HDAC4: variants seen among roughly 807,000 people sequenced by gnomAD.
HDAC4 encodes the protein histone deacetylase A.
Under a neutral mutation model 135.1 loss-of-function variants are expected in HDAC4, and 16 were observed. The ratio of observed to expected loss-of-function variants is 0.12; its 90% CI spans 0.08 to 0.18. The LOEUF is 0.18. Among genes scored for constraint, HDAC4 ranks in the 10% least tolerant of loss-of-function variants. The pLI is 1.00. For missense variants in HDAC4, 1,143 were observed against 1,511.8 expected (o/e 0.76, Z 4.05); for synonymous variants, 685 against 653.4 (o/e 1.05, Z -0.74).
At chr2:239,078,454 T>C (rs1050371225) in intron 22 of HDAC4, among the ~76,000 whole-genome samples, 2 of 152,206 alleles carry the variant, frequency 1.3e-5, no homozygotes, top group African/African-American at 4.8e-5. Flanking sequence ...AACCAATTTC[T>C]GACCCTTCTT....
intron 3 of HDAC4, among the ~76,000 whole-genome samples, chr2:239,190,518 C>T (rs1175372619): frequency 4.6e-5 from 7 of 152,240 alleles, no homozygotes; most frequent in African/African-American, 1.4e-4. Flanking sequence ...GCCTGTCCTG[C>T]TCCTCTTCCT....
At chr2:239,135,639 C>A (rs1225106800) in intron 9 of HDAC4, among the ~76,000 whole-genome samples, 2 of 152,184 alleles carry the variant, frequency 1.3e-5, no homozygotes. Flanking sequence ...ACCTTTGATG[C>A]TGGAGCTCCA....
chr2:239,249,850 T>G (rs778050426), intron 2 of HDAC4, among the ~76,000 whole-genome samples: 3 of 151,922 alleles, frequency 2.0e-5, no homozygotes, highest in African/African-American at 7.3e-5. Context: ...CAGGAAAGAA[T>G]GTGCACAAAA....
At chr2:239,074,177 G>A (rs1271957948) in intron 22 of HDAC4, among the ~76,000 whole-genome samples, 2 of 152,222 alleles carry the variant, frequency 1.3e-5, no homozygotes, top group African/African-American at 4.8e-5. Context: ...TTTTAATAAA[G>A]TTCTTGTCAT....
intron 2 of HDAC4, among the ~76,000 whole-genome samples, chr2:239,283,171 C>T (rs963860121): frequency 2.0e-5 from 3 of 152,252 alleles, no homozygotes; most frequent in South Asian, 2.1e-4. Context: ...TGGAAGAATG[C>T]GCTCTACAAG....
At chr2:239,083,023 A>G (rs1559390648) in intron 20 of HDAC4, among the ~76,000 whole-genome samples, 1 of 152,276 alleles carries the variant, frequency 6.6e-6, no homozygotes, top group Non-Finnish European at 1.5e-5. Context: ...GCGGAAGGGC[A>G]GCTACAGGTG....
chr2:239,272,239 G>A (rs906006063), intron 2 of HDAC4, among the ~76,000 whole-genome samples: 1 of 152,140 alleles, frequency 6.6e-6, no homozygotes, highest in Admixed American at 6.5e-5. Context: ...CCACATCATC[G>A]TTCCAATCCA....
chr2:239,172,209 T>C (rs1475839684), intron 5 of HDAC4, among the ~76,000 whole-genome samples: 2 of 150,928 alleles, frequency 1.3e-5, no homozygotes, highest in Non-Finnish European at 3.0e-5. Flanking sequence ...GATAAGGCTG[T>C]GATAGATTAA....
At chr2:239,095,563 T>A (rs1443170657) in intron 16 of HDAC4, among the ~76,000 whole-genome samples, 1 of 152,124 alleles carries the variant, frequency 6.6e-6, no homozygotes, top group Non-Finnish European at 1.5e-5. Flanking sequence ...CGGGAATGTA[T>A]GCAGCGACAG....
chr2:239,193,738 G>A (rs1309860514), intron 3 of HDAC4, among the ~76,000 whole-genome samples: 1 of 152,252 alleles, frequency 6.6e-6, no homozygotes, highest in Non-Finnish European at 1.5e-5. Context: ...AGGACAAAGT[G>A]GGGAAGGCGG....
At chr2:239,302,438 C>T (rs564379841) in intron 2 of HDAC4, among the ~76,000 whole-genome samples, 1 of 152,358 alleles carries the variant, frequency 6.6e-6, no homozygotes, top group East Asian at 1.9e-4. Flanking sequence ...CCACAGGAAT[C>T]CAGATTAGCA....
chr2:239,058,557 C>A (rs2032213915), intron 24 of HDAC4, among the ~76,000 whole-genome samples: 1 of 152,186 alleles, frequency 6.6e-6, no homozygotes, highest in East Asian at 1.9e-4. Flanking sequence ...GCAGGCAAAC[C>A]TGGCCAAAGG....
intron 22 of HDAC4, among the ~76,000 whole-genome samples, chr2:239,079,605 T>G (rs1008779000): frequency 6.6e-6 from 1 of 152,202 alleles, no homozygotes; most frequent in Non-Finnish European, 1.5e-5. Flanking sequence ...CCAGAAAGCA[T>G]GTGGTAGAGT....
At chr2:239,117,221 C>T (rs966817563) in intron 12 of HDAC4, among the ~76,000 whole-genome samples, 2 of 152,142 alleles carry the variant, frequency 1.3e-5, no homozygotes, top group Non-Finnish European at 2.9e-5. Context: ...GTGCCGGAGA[C>T]GAGGTGGGGC....
intron 1 of HDAC4, among the ~76,000 whole-genome samples, chr2:239,356,824 T>C (rs781077401): frequency 2.6e-5 from 4 of 152,078 alleles, no homozygotes; most frequent in Non-Finnish European, 5.9e-5. Flanking sequence ...TCAACAATCA[T>C]GAGTCTATAC....
chr2:239,279,966 T>C (rs2050610085), intron 2 of HDAC4, among the ~76,000 whole-genome samples: 1 of 152,074 alleles, frequency 6.6e-6, no homozygotes, highest in South Asian at 2.1e-4. Context: ...CCACAGAAAG[T>C]GCGGATCCCA....
intron 3 of HDAC4, among the ~76,000 whole-genome samples, chr2:239,214,299 T>A (rs2046502365): frequency 6.6e-6 from 1 of 152,134 alleles, no homozygotes; most frequent in Admixed American, 6.5e-5. Flanking sequence ...CTGTCGACAC[T>A]CTGTCTGCAT....
At chr2:239,318,590 G>A (rs767399897) in intron 2 of HDAC4, among the ~76,000 whole-genome samples, 22 of 151,622 alleles carry the variant, frequency 1.5e-4, no homozygotes, top group African/African-American at 3.4e-4. Context: ...CTCACTGACC[G>A]TAGTTGAAGA....
chr2:239,281,317 T>C (rs1407151247), intron 2 of HDAC4, among the ~76,000 whole-genome samples: 6 of 107,100 alleles, frequency 5.6e-5, no homozygotes, highest in Admixed American at 4.9e-4. Context: ...CTACACACAA[T>C]GTACACACCA....
Sources: allele counts gnomAD v4.1 joint callset (sites outside exome capture counted in the v4.1 genomes callset), GRCh38; gene constraint gnomAD v4.1.1; transcripts MANE v1.5; gene names NCBI Gene and HGNC (gene_info 2026-07-23, HGNC 2026-07-21).